SUPT3H: variants seen among roughly 807,000 people sequenced by gnomAD.
The protein encoded by SUPT3H is SPT3 homolog, SAGA and STAGA complex component.
Under a neutral mutation model 44.3 loss-of-function variants are expected in SUPT3H, and 44 were observed. That is an observed-to-expected ratio of 0.99 (90% CI 0.78 to 1.28). The LOEUF is 1.28. Ranked by LOEUF, SUPT3H falls within the 50% of genes most tolerant of loss-of-function variation. SUPT3H has a pLI of 0.00. For synonymous variants in SUPT3H, 124 were observed against 125.6 expected, an observed-to-expected ratio of 0.99 and a Z score of 0.09; for missense variants, 380 against 387.1, an observed-to-expected ratio of 0.98 and a Z score of 0.15.
At chr6:44,996,259 G>A (rs1781255456) in intron 6 of SUPT3H, among the ~76,000 whole-genome samples, 1 of 151,412 alleles carries the variant, frequency 6.6e-6, no homozygotes, top group South Asian at 2.1e-4. Flanking sequence ...TACAAAAATG[G>A]CATTATTTCA....
chr6:44,879,704 A>G (rs1777902194), intron 10 of SUPT3H, among the ~76,000 whole-genome samples: 1 of 151,920 alleles, frequency 6.6e-6, no homozygotes, highest in African/African-American at 2.4e-5. Flanking sequence ...CGGGTGCCCC[A>G]CTGGGATGAA....
intron 2 of SUPT3H, among the ~76,000 whole-genome samples, chr6:45,355,259 G>A (rs1258125680): frequency 2.0e-5 from 3 of 151,590 alleles, no homozygotes; most frequent in Non-Finnish European, 2.9e-5. Context: ...ACCATGCCCA[G>A]CTCCAATAAG....
Position 45,063,162 on chromosome 6 carries a change from C to T in SUPT3H, c.187-42530G>A, listed in dbSNP as rs1334765490. 4.1e-5 allele frequency among the ~76,000 whole-genome samples: 6 copies of T among 145,292 alleles called. No individual in the cohort carries two copies. The East Asian group carries it at 6.1e-4, about 15-fold the overall frequency. On this transcript the variant is annotated intron_variant, in intron 3 of 10. Transcript: ENST00000371459. ...AAGTGGGTCCCTGACCCCTGACCCCCGAGCAGCCTAACTGGGAGGCACCCC... is the reference window on the plus strand; with the variant it reads ...AAGTGGGTCCCTGACCCCTGACCCCTGAGCAGCCTAACTGGGAGGCACCCC...
chr6:45,215,184 A>G (rs1452678803), intron 2 of SUPT3H, among the ~76,000 whole-genome samples: 1 of 152,228 alleles, frequency 6.6e-6, no homozygotes, highest in Non-Finnish European at 1.5e-5. Flanking sequence ...CACAACTAGC[A>G]GGAAAAATGT....
chr6:45,324,150 T>C (rs1487059001), intron 2 of SUPT3H, among the ~76,000 whole-genome samples: 1 of 152,034 alleles, frequency 6.6e-6, no homozygotes, highest in Non-Finnish European at 1.5e-5. Context: ...CAAAGATGAA[T>C]TGTTCTAATA....
At chr6:45,137,343 T>A (rs1804461186) in intron 2 of SUPT3H, among the ~76,000 whole-genome samples, 1 of 151,916 alleles carries the variant, frequency 6.6e-6, no homozygotes, top group South Asian at 2.1e-4. Flanking sequence ...ACTCAAAAAG[T>A]TAAATATGGG....
intron 3 of SUPT3H, among the ~76,000 whole-genome samples, chr6:45,066,361 A>C (rs1793313599): frequency 7.1e-6 from 1 of 140,392 alleles, no homozygotes; most frequent in African/African-American, 2.7e-5. Context: ...TATCATACTG[A>C]ATGGGCAAAA....
intron 6 of SUPT3H, among the ~76,000 whole-genome samples, chr6:44,964,038 C>A (rs538783503): frequency 6.6e-6 from 1 of 151,996 alleles, no homozygotes; most frequent in South Asian, 2.1e-4. Context: ...TAAATAAACT[C>A]TCTAAGACTG....
chr6:44,878,855 G>A (rs777271865), intron 10 of SUPT3H, among the ~76,000 whole-genome samples: 64 of 152,246 alleles, frequency 4.2e-4, no homozygotes, highest in Admixed American at 2.3e-3. Flanking sequence ...AAGGGAAGCC[G>A]TGAGGGACCA....
At chr6:45,101,294 G>A (rs923837226) in intron 3 of SUPT3H, among the ~76,000 whole-genome samples, 1 of 152,160 alleles carries the variant, frequency 6.6e-6, no homozygotes, top group Admixed American at 6.5e-5. Context: ...TCATGGTGGC[G>A]CATGCCTGTA....
chr6:45,042,177 C>A (rs1011352151), intron 3 of SUPT3H, among the ~76,000 whole-genome samples: 2 of 152,130 alleles, frequency 1.3e-5, no homozygotes, highest in African/African-American at 2.4e-5. Context: ...AATCCCAGCA[C>A]TTTGGGAGGC....
intron 5 of SUPT3H, among the ~76,000 whole-genome samples, chr6:45,011,855 C>T (rs1783533700): frequency 6.6e-6 from 1 of 151,860 alleles, no homozygotes; most frequent in African/African-American, 2.4e-5. Context: ...ACTTTTCTTA[C>T]ATGGGTCTGA....
At chr6:45,255,217 G>C (rs1453060253) in intron 2 of SUPT3H, among the ~76,000 whole-genome samples, 1 of 152,068 alleles carries the variant, frequency 6.6e-6, no homozygotes, top group Non-Finnish European at 1.5e-5. Context: ...TGAGATTTCA[G>C]GCATGCACTA....
At chr6:45,308,128 A>G (rs1035992751) in intron 2 of SUPT3H, among the ~76,000 whole-genome samples, 6 of 152,326 alleles carry the variant, frequency 3.9e-5, no homozygotes, top group Admixed American at 2.0e-4. Context: ...CCAAATCTAC[A>G]CCTGATTGGT....
At chr6:44,939,003 T>C (rs568939784) in intron 9 of SUPT3H, among the ~76,000 whole-genome samples, 1 of 152,334 alleles carries the variant, frequency 6.6e-6, no homozygotes, top group East Asian at 1.9e-4. Flanking sequence ...TAAGATCATA[T>C]AATCAGCAAA....
At chr6:45,101,113 T>C (rs759191069) in intron 3 of SUPT3H, among the ~76,000 whole-genome samples, 3 of 152,194 alleles carry the variant, frequency 2.0e-5, no homozygotes, top group Admixed American at 6.5e-5. Flanking sequence ...ATATCACATG[T>C]TCTCACTGAT....
intron 10 of SUPT3H, among the ~76,000 whole-genome samples, chr6:44,920,565 CAAAA>C (rs5875898): frequency 8.8e-4 from 100 of 113,468 alleles, no homozygotes; most frequent in African/African-American, 3.0e-3. Flanking sequence ...TTGTTTCTTT[CAAAA>C]AAAAAAAAAA....
At chr6:45,085,223 A>AT (rs1796341431) in intron 3 of SUPT3H, among the ~76,000 whole-genome samples, 1 of 152,092 alleles carries the variant, frequency 6.6e-6, no homozygotes, top group African/African-American at 2.4e-5. Context: ...GTGATTTGAA[A>AT]TTTTTTCTGT....
intron 10 of SUPT3H, among the ~76,000 whole-genome samples, chr6:44,885,598 C>G (rs1762128591): frequency 6.6e-6 from 1 of 152,110 alleles, no homozygotes; most frequent in South Asian, 2.1e-4. Flanking sequence ...AGGACATCCA[C>G]AGCAAAAACC....
Sources: allele counts gnomAD v4.1 joint callset (sites outside exome capture counted in the v4.1 genomes callset), GRCh38; gene constraint gnomAD v4.1.1; transcripts MANE v1.5; gene names NCBI Gene and HGNC (gene_info 2026-07-23, HGNC 2026-07-21).